Variants in NELL1 observed in about 807,000 individuals in gnomAD.
The protein encoded by NELL1 is protein kinase C-binding protein NELL1.
NELL1 carries 76 observed loss-of-function variants against 107.4 expected under a neutral mutation model. The observed-to-expected ratio is 0.71, with a 90% CI of 0.59 to 0.86. The LOEUF is 0.86. NELL1 is among the 40% of genes least tolerant of loss of function. NELL1 has a pLI of 0.00. For synonymous variants in NELL1, 353 were observed against 341.2 expected (o/e 1.03, Z -0.38); for missense variants, 1,024 against 1,005.5 (o/e 1.02, Z -0.25).
chr11:21,498,159 T>C (rs186311467), intron 15 of NELL1, among the ~76,000 whole-genome samples: 1 of 151,902 alleles, frequency 6.6e-6, no homozygotes, highest in African/African-American at 2.4e-5. Context: ...TTATTTTTAC[T>C]AATAATTGGA....
intron 11 of NELL1, among the ~76,000 whole-genome samples, chr11:20,953,301 A>G (rs1286230591): frequency 6.6e-6 from 1 of 152,170 alleles, no homozygotes; most frequent in Non-Finnish European, 1.5e-5. Flanking sequence ...GCTGGGGTAT[A>G]CTTTAGGGGC....
At chr11:20,796,159 C>T (rs1481241210) in intron 3 of NELL1, among the ~76,000 whole-genome samples, 1 of 152,092 alleles carries the variant, frequency 6.6e-6, no homozygotes, top group Non-Finnish European at 1.5e-5. Context: ...GATGTTGGGA[C>T]CGTCCCACCA....
At chr11:21,368,477 C>G (rs997312635) in intron 14 of NELL1, among the ~76,000 whole-genome samples, 1 of 151,202 alleles carries the variant, frequency 6.6e-6, no homozygotes, top group African/African-American at 2.4e-5. Flanking sequence ...CTGTAACAAA[C>G]AAGGAAGGGG....
chr11:20,764,576 T>C (rs2133961313), intron 2 of NELL1, among the ~76,000 whole-genome samples: 1 of 150,230 alleles, frequency 6.7e-6, no homozygotes, highest in East Asian at 2.0e-4. Context: ...TTGAAACAAA[T>C]AAATAAATAT....
chr11:21,068,254 T>C (rs1050141355), intron 12 of NELL1, among the ~76,000 whole-genome samples: 2 of 152,044 alleles, frequency 1.3e-5, no homozygotes, highest in East Asian at 1.9e-4. Context: ...CTGGAGTGCA[T>C]ATCATGTGGT....
At chr11:21,404,706 C>T (rs1287936927) in intron 15 of NELL1, among the ~76,000 whole-genome samples, 3 of 151,946 alleles carry the variant, frequency 2.0e-5, no homozygotes, top group Non-Finnish European at 4.4e-5. Context: ...AAATTTTAGG[C>T]ACTCAACATG....
At chr11:20,856,122 G>C (rs1264467173) in intron 4 of NELL1, among the ~76,000 whole-genome samples, 4 of 152,200 alleles carry the variant, frequency 2.6e-5, no homozygotes, top group Admixed American at 1.3e-4. Flanking sequence ...TTGGGGTTAG[G>C]ATGTGAGGAT....
intron 3 of NELL1, among the ~76,000 whole-genome samples, chr11:20,807,728 T>C (rs1208815213): frequency 6.6e-6 from 1 of 152,142 alleles, no homozygotes; most frequent in Non-Finnish European, 1.5e-5. Flanking sequence ...TAGTGCATTA[T>C]CTACCTGTGA....
intron 14 of NELL1, among the ~76,000 whole-genome samples, chr11:21,249,046 C>CT (rs1858570523): frequency 6.6e-6 from 1 of 152,098 alleles, no homozygotes; most frequent in African/African-American, 2.4e-5. Context: ...CCAGCCCTGC[C>CT]TGAAGTCAGG....
At chr11:21,309,262 A>ATATATATATATATATT (rs1344335266) in intron 14 of NELL1, among the ~76,000 whole-genome samples, 1 of 24,990 alleles carries the variant, frequency 4.0e-5, no homozygotes, top group African/African-American at 1.5e-4. Flanking sequence ...ATATATATGT[A>ATATATATATATATATT]TATATATATA....
At chr11:21,517,733 G>A (rs1356184546) in intron 15 of NELL1, among the ~76,000 whole-genome samples, 2 of 152,072 alleles carry the variant, frequency 1.3e-5, no homozygotes, top group Non-Finnish European at 2.9e-5. Flanking sequence ...AAATGGTCAT[G>A]GGCAATGACA....
chr11:20,719,433 C>T (rs767081328), intron 2 of NELL1, among the ~76,000 whole-genome samples: 1,905 of 151,732 alleles, frequency 0.013, 17 homozygotes, highest in African/African-American at 0.032. Flanking sequence ...CACACACACA[C>T]ACACACACAC....
chr11:21,206,342 C>T (rs1413093261), intron 13 of NELL1, among the ~76,000 whole-genome samples: 1 of 152,088 alleles, frequency 6.6e-6, no homozygotes. Context: ...CTTATAAAGA[C>T]ACCAGTCATT....
intron 16 of NELL1, among the ~76,000 whole-genome samples, chr11:21,544,097 C>T (rs1053914783): frequency 3.3e-5 from 5 of 151,954 alleles, no homozygotes; most frequent in African/African-American, 1.2e-4. Flanking sequence ...TGGACCATGA[C>T]ATGAAGCAAT....
intron 14 of NELL1, among the ~76,000 whole-genome samples, chr11:21,273,580 C>A (rs1475744825): frequency 6.6e-6 from 1 of 152,142 alleles, no homozygotes; most frequent in African/African-American, 2.4e-5. Flanking sequence ...TCGAGAAGAG[C>A]AACTCCAAGA....
intron 2 of NELL1, among the ~76,000 whole-genome samples, chr11:20,698,751 T>C (rs1854688518): frequency 6.6e-6 from 1 of 152,296 alleles, no homozygotes; most frequent in South Asian, 2.1e-4. Flanking sequence ...ACCTGGGTAG[T>C]GTACACTGTA....
chr11:21,548,041 A>G (rs544336776), intron 16 of NELL1, among the ~76,000 whole-genome samples: 1 of 152,010 alleles, frequency 6.6e-6, no homozygotes, highest in East Asian at 2.0e-4. Flanking sequence ...AAAAATCCTC[A>G]AGATAATGAG....
At chr11:21,411,413 T>A (rs1190886501) in intron 15 of NELL1, among the ~76,000 whole-genome samples, 1 of 152,058 alleles carries the variant, frequency 6.6e-6, no homozygotes, top group Non-Finnish European at 1.5e-5. Flanking sequence ...GCTTAAGTGG[T>A]CACACCTCTA....
intron 4 of NELL1, among the ~76,000 whole-genome samples, chr11:20,876,806 G>A (rs1393275352): frequency 6.6e-6 from 1 of 151,952 alleles, no homozygotes; most frequent in Non-Finnish European, 1.5e-5. Context: ...AACCCAGATA[G>A]CTCATCAGTG....
Sources: allele counts gnomAD v4.1 joint callset (sites outside exome capture counted in the v4.1 genomes callset), GRCh38; gene constraint gnomAD v4.1.1; transcripts MANE v1.5; gene names NCBI Gene and HGNC (gene_info 2026-07-23, HGNC 2026-07-21).